Variants in SPEF1 observed in about 807,000 individuals in gnomAD.
SPEF1 encodes sperm flagellar and cilia associated 1, also known as sperm flagella and cilia-associated protein 1.
Under a neutral mutation model 31.8 loss-of-function variants are expected in SPEF1, and 30 were observed. That is an observed-to-expected ratio of 0.94 (90% CI 0.70 to 1.28). The LOEUF is 1.28. SPEF1 is among the 50% of genes most tolerant of loss of function. SPEF1 has a pLI of 0.00. For synonymous variants in SPEF1, 126 were observed against 130.1 expected, an observed-to-expected ratio of 0.97 and a Z score of 0.21; for missense variants, 298 against 309.6, an observed-to-expected ratio of 0.96 and a Z score of 0.28.
chr20:3,778,602 C>T (rs2088760670), intron 5 of SPEF1, 58 bp from the exon 6 acceptor site: 3 of 1,565,982 alleles, frequency 1.9e-6, no homozygotes, highest in Admixed American at 1.9e-5. Context: ...CTCACCCTTC[C>T]AGGGCCCTCG....
intron 6 of SPEF1, 31 bp downstream of exon 6, chr20:3,778,390 C>G: frequency 6.2e-7 from 1 of 1,613,700 alleles, no homozygotes. Context: ...TGGCCGCGAG[C>G]CCCCACCCGC....
rs754273044 is a variant in SPEF1, at chr20:3,779,711, G to A, written c.174C>T (p.Pro58=). 12 of 1,613,824 alleles carry A rather than the reference G, an allele frequency of 7.4e-6. No individual in the cohort carries two copies. Among genetic ancestry groups the A allele is most frequent in the Middle Eastern group, 1.7e-4 (1 of 6,060 alleles). Reference sequence around the variant, plus strand: ...TGAGCTTCTGCTGGAGAGAGTTGGCGGGGACATAATTGTGCATCTCCACCA... The same window carrying A: ...TGAGCTTCTGCTGGAGAGAGTTGGCAGGGACATAATTGTGCATCTCCACCA... ...PKMVEMHNYV[P]ANSLQQKLSN... is the part of the protein sequence containing the mutation. Residue 58 remains proline (P), a synonymous_variant, in exon 2 of 7, where the codon CCC becomes CCT. Coordinates refer to ENST00000379756, the MANE Select transcript of SPEF1 (RefSeq NM_015417.5).
In SPEF1 at chr20:3,778,938, A is replaced by G. The variant is rs926457656; in HGVS notation, c.418+13T>C. The G allele has an allele frequency of 1.2e-6, 2 of 1,614,138 alleles. No individual in the cohort carries two copies. The highest frequency in any genetic ancestry group is 1.7e-6 in the Non-Finnish European group (2 of 1,180,006). ...CTCCAACCGGGAGGGAGAAATGGAA[A>G]AGGCCACCTTACCCACATCCATGTA... On this transcript the variant is annotated intron_variant, in intron 4 of 6. Transcript: ENST00000379756.
rs1418417011 is a variant in SPEF1, at chr20:3,778,670, C to G, written c.479+76G>C. The G allele has an allele frequency of 3.8e-6, 6 of 1,588,076 alleles. No individual in the cohort carries two copies. In the Admixed American group the frequency reaches 1.0e-4, roughly 27 times the overall value. ...TTCCTGCCTCCCGTCTCAGGCTCAG[C>G]GTACCGTGCCCCCCAACCCCAGCTG... On this transcript the variant is annotated intron_variant, in intron 5 of 6. Transcript: ENST00000379756.
chr20:3,778,157 C>T lies in SPEF1; in HGVS notation c.*55G>A. On this transcript the variant is annotated 3_prime_UTR_variant, in exon 7 of 7. Transcript: ENST00000379756. ...TATCCATCGGTGGGTGGGTCCGGCG[C>T]GGCGTCGGGGCTCTGGCGGGTACCC... is the stretch of plus-strand genomic sequence containing the variant. 2 of 1,285,576 alleles carry T rather than the reference C, an allele frequency of 1.6e-6. No individual in the cohort carries two copies. The highest frequency in any genetic ancestry group is 2.1e-6 in the Non-Finnish European group (2 of 944,542). The allele number at this position is 1,285,576 out of a possible 1,614,324, so 79.6% of individuals were successfully genotyped here.
chr20:3,780,327 T>G (rs1600362605), intron 1 of SPEF1, among the ~76,000 whole-genome samples: 1 of 103,868 alleles, frequency 9.6e-6, no homozygotes, highest in Admixed American at 1.2e-4. Context: ...AGAGTGAGAC[T>G]CTGTCTCAAA....
intron 4 of SPEF1, 34 bp downstream of exon 4, chr20:3,778,917 A>G (rs773635642): frequency 1.2e-6 from 2 of 1,614,114 alleles, no homozygotes; most frequent in Non-Finnish European, 8.5e-7. Flanking sequence ...GGAAAGCTCC[A>G]ACCGGGAGGG....
chr20:3,779,473 C>T (rs1028494004), intron 2 of SPEF1, 121 bp from the exon 3 acceptor site: 12 of 949,156 alleles, frequency 1.3e-5, no homozygotes, highest in Non-Finnish European at 1.9e-5. Context: ...GGAGTGAAAG[C>T]GCATCGCATC....
Position 3,778,545 on chromosome 20 carries a change from C to A in SPEF1, c.480-1G>T. On this transcript the variant is annotated splice_acceptor_variant, in intron 5 of 6. Transcript: ENST00000379756. LOFTEE classifies it high-confidence loss of function. ...CCGAGGCGCCGGCGGCCGGTCCCAG[C>A]TGGGGTGGGAAGCAGCTTAGCGGAG... 1 of 1,605,720 alleles carries A rather than the reference C, an allele frequency of 6.2e-7. No homozygotes were observed. Among genetic ancestry groups the A allele is most frequent in the Non-Finnish European group, 8.5e-7 (1 of 1,177,654 alleles).
At chr20:3,779,514 C>T (rs932893669) in intron 2 of SPEF1, 150 bp downstream of exon 2, 10 of 856,094 alleles carry the variant, frequency 1.2e-5, no homozygotes, top group Non-Finnish European at 1.7e-5. Context: ...TTCCGAGGTT[C>T]CTTGCCTCCT....
In SPEF1 at chr20:3,779,761, C is replaced by T. The variant is rs746773849; in HGVS notation, c.124G>A (p.Val42Ile). 3.1e-6 allele frequency: 5 copies of T among 1,609,210 alleles called. No homozygotes were observed. The highest frequency in any genetic ancestry group is 4.2e-6 in the Non-Finnish European group (5 of 1,177,262). The change falls in exon 2 of 7, where the codon GTC becomes ATC. Residue 42 changes from valine (V) to isoleucine (I), a missense_variant. Coordinates refer to ENST00000379756, the MANE Select transcript of SPEF1 (RefSeq NM_015417.5). ...DFSDGVLVAE[V>I]IKFYFPKMVE... Reference sequence around the variant, plus strand: ...ATCTTGGGGAAGTAAAACTTGATGACCTCTGCAACAAGGACTGAGGGAGAG... The same window carrying T: ...ATCTTGGGGAAGTAAAACTTGATGATCTCTGCAACAAGGACTGAGGGAGAG...
intron 1 of SPEF1, among the ~76,000 whole-genome samples, chr20:3,780,221 C>T (rs1243471378): frequency 7.3e-5 from 11 of 150,270 alleles, no homozygotes; most frequent in African/African-American, 2.7e-4. Flanking sequence ...GTAAACCCAG[C>T]TACTTGGGTG....
At chr20:3,779,842 T>C in intron 1 of SPEF1, 67 bp from the exon 2 acceptor site, 1 of 199,206 alleles carries the variant, frequency 5.0e-6, no homozygotes, top group South Asian at 4.1e-5. Flanking sequence ...TGAGAGAAGG[T>C]GGGGGTGGGA....
At position 3,777,741 on chromosome 20, in the gene SPEF1, G is replaced by A. The variant is rs1274237473; in HGVS notation, c.*471C>T. On this transcript the variant is annotated 3_prime_UTR_variant, in exon 7 of 7. Coordinates refer to ENST00000379756, the MANE Select transcript of SPEF1 (RefSeq NM_015417.5). The surrounding 1 kb of genome is among the most constrained non-coding windows in gnomAD (Gnocchi z 4.1). Reference sequence around the variant, plus strand: ...GCAGGGGAGCCCCTCAGCGGCCCGGGACAGATTCCCCCATGGCTGAGGGCA... The same window carrying A: ...GCAGGGGAGCCCCTCAGCGGCCCGGAACAGATTCCCCCATGGCTGAGGGCA... 1 of 153,090 alleles carries A rather than the reference G, an allele frequency of 6.5e-6. No individual in the cohort carries two copies. Among genetic ancestry groups the A allele is most frequent in the Non-Finnish European group, 1.5e-5 (1 of 68,604 alleles). 9.5% of individuals were successfully genotyped at this position (153,090 alleles called of 1,614,324 possible). A position where few individuals can be genotyped will look rare whatever the true frequency, so the allele number is the denominator to read the frequency against.
At chr20:3,779,410 G>A in intron 2 of SPEF1, 58 bp from the exon 3 acceptor site, 1 of 1,438,584 alleles carries the variant, frequency 7.0e-7, no homozygotes. Context: ...GCGAGGGGAT[G>A]GGGGAGAGGG....
At chr20:3,779,058 C>A in intron 3 of SPEF1, 68 bp from the exon 4 acceptor site, 2 of 1,610,010 alleles carry the variant, frequency 1.2e-6, no homozygotes, top group Non-Finnish European at 1.7e-6. Flanking sequence ...CATGTCCCTT[C>A]CACGGGCCCC....
intron 3 of SPEF1, 38 bp downstream of exon 3, chr20:3,779,158 C>A (rs774073759): frequency 9.7e-6 from 15 of 1,544,878 alleles, no homozygotes; most frequent in Non-Finnish European, 1.3e-5. Flanking sequence ...CCCCACCCAG[C>A]CCCCAGAGCA....
chr20:3,778,505 G>A lies in SPEF1; in HGVS notation c.519C>T (p.Asn173=), dbSNP rs769444263. The change falls in exon 6 of 7, where the codon AAC becomes AAT. Residue 173 remains asparagine, a synonymous_variant. Coordinates refer to ENST00000379756, the MANE Select transcript of SPEF1 (RefSeq NM_015417.5). ...AGCTGGGGTCGCCCTGCAACGCCCGGTTATACGCTGGAGGCCGAGGCGCCG... is the reference window on the plus strand; with the variant it reads ...AGCTGGGGTCGCCCTGCAACGCCCGATTATACGCTGGAGGCCGAGGCGCCG... ...RPPAPRPPAY[N]RALQGDPSFV... 3 of 1,612,232 alleles carry A rather than the reference G, an allele frequency of 1.9e-6. No individual in the cohort carries two copies. Among genetic ancestry groups the A allele is most frequent in the Non-Finnish European group, 2.5e-6 (3 of 1,179,670 alleles).
intron 2 of SPEF1, 132 bp from the exon 3 acceptor site, chr20:3,779,484 T>G: frequency 1.1e-6 from 1 of 909,654 alleles, no homozygotes; most frequent in Non-Finnish European, 1.7e-6. Context: ...GCATCGCATC[T>G]GAGCTTCCTT....
Sources: gnomAD v4.1 joint callset for allele counts (sites outside exome capture counted in the v4.1 genomes callset) on GRCh38, gnomAD v4.1.1 for gene constraint, Gnocchi (gnomAD v3.1) non-coding constraint, MANE v1.5 for transcripts, NCBI Gene and HGNC (gene_info 2026-07-23, HGNC 2026-07-21) for gene names.